Variants in DSCAM observed in about 807,000 individuals in gnomAD.
The protein encoded by DSCAM is cell adhesion molecule DSCAM.
A neutral mutation model predicts 217.7 loss-of-function variants in DSCAM; 47 were observed. The observed-to-expected ratio is 0.22, with a 90% CI of 0.17 to 0.28. DSCAM has a LOEUF of 0.28. DSCAM is among the 10% of genes least tolerant of loss of function. The pLI, the probability that DSCAM is intolerant of heterozygous loss-of-function variation, is 1.00. For synonymous variants in DSCAM, 1,056 were observed against 1,015.3 expected (o/e 1.04, Z -0.76); for missense variants, 2,080 against 2,618.3 (o/e 0.79, Z 4.49).
At chr21:40,434,080 G>A (rs1049315181) in intron 3 of DSCAM, among the ~76,000 whole-genome samples, 1 of 152,188 alleles carries the variant, frequency 6.6e-6, no homozygotes, top group African/African-American at 2.4e-5. Context: ...CCCTCGCATG[G>A]CTGCCTGTCC....
chr21:40,206,398 C>T (rs551702147), intron 11 of DSCAM, among the ~76,000 whole-genome samples: 11 of 152,188 alleles, frequency 7.2e-5, no homozygotes, highest in African/African-American at 2.4e-4. Context: ...CGGGGGTAGG[C>T]CCGACCTGTG....
chr21:40,181,056 G>A (rs907712357), intron 14 of DSCAM, among the ~76,000 whole-genome samples: 1 of 151,972 alleles, frequency 6.6e-6, no homozygotes, highest in Non-Finnish European at 1.5e-5. Flanking sequence ...ATGGGCTGGG[G>A]GACCCGTTAC....
chr21:40,531,693 A>C (rs1300343304), intron 3 of DSCAM, among the ~76,000 whole-genome samples: 1 of 152,246 alleles, frequency 6.6e-6, no homozygotes, highest in Non-Finnish European at 1.5e-5. Context: ...TGGTTGCATC[A>C]CAGGTGGGTG....
chr21:40,126,311 A>T (rs2090093094), intron 19 of DSCAM, among the ~76,000 whole-genome samples: 1 of 152,092 alleles, frequency 6.6e-6, no homozygotes, highest in South Asian at 2.1e-4. Context: ...AAGGGAAGAC[A>T]AAAGGAAAGA....
chr21:40,448,507 A>AC (rs1341643723), intron 3 of DSCAM, among the ~76,000 whole-genome samples: 1 of 152,124 alleles, frequency 6.6e-6, no homozygotes, highest in African/African-American at 2.4e-5. Flanking sequence ...GCTGACTCGC[A>AC]CCACCAGCTT....
At chr21:40,121,229 GAAAAC>G (rs971800005) in intron 20 of DSCAM, among the ~76,000 whole-genome samples, 14 of 152,044 alleles carry the variant, frequency 9.2e-5, no homozygotes, top group African/African-American at 2.7e-4. Context: ...AGAAACTGAT[GAAAAC>G]AAAACAAAAC....
chr21:40,500,299 CTTGTT>C (rs1382301122), intron 3 of DSCAM, among the ~76,000 whole-genome samples: 1 of 152,024 alleles, frequency 6.6e-6, no homozygotes, highest in East Asian at 1.9e-4. Flanking sequence ...GGATTTATGT[CTTGTT>C]TTATGAGTAA....
chr21:40,666,676 C>T (rs750383896), intron 3 of DSCAM, among the ~76,000 whole-genome samples: 4 of 152,212 alleles, frequency 2.6e-5, no homozygotes, highest in African/African-American at 4.8e-5. Flanking sequence ...TATTTAGGCC[C>T]TCAGCACTCA....
intron 11 of DSCAM, among the ~76,000 whole-genome samples, chr21:40,266,645 A>ATATATATATATATATATATT (rs2073534184): frequency 2.6e-5 from 3 of 114,068 alleles, no homozygotes; most frequent in African/African-American, 1.3e-4. Context: ...TTATATATAT[A>ATATATATATATATATATATT]TATATATATA....
chr21:40,643,378 T>C (rs965516892), intron 3 of DSCAM, among the ~76,000 whole-genome samples: 4 of 152,164 alleles, frequency 2.6e-5, no homozygotes, highest in Non-Finnish European at 4.4e-5. Flanking sequence ...CAGAGGGTCA[T>C]GGTGAAATTA....
At chr21:40,636,217 A>G (rs1434614757) in intron 3 of DSCAM, among the ~76,000 whole-genome samples, 1 of 152,130 alleles carries the variant, frequency 6.6e-6, no homozygotes, top group African/African-American at 2.4e-5. Context: ...AGGATTATGC[A>G]TAAGATGCAC....
chr21:40,624,693 T>C (rs1279516564), intron 3 of DSCAM, among the ~76,000 whole-genome samples: 1 of 152,110 alleles, frequency 6.6e-6, no homozygotes, highest in Admixed American at 6.6e-5. Flanking sequence ...AAATTGTGTA[T>C]AGAAGTCAGG....
chr21:40,023,093 A>G (rs867289713), intron 32 of DSCAM, among the ~76,000 whole-genome samples: 3,332 of 142,676 alleles, frequency 0.023, 117 homozygotes, highest in African/African-American at 0.082. Context: ...TCATTGTTCA[A>G]TTCCCACCTA....
intron 9 of DSCAM, among the ~76,000 whole-genome samples, chr21:40,300,723 G>A (rs1412012682): frequency 6.6e-6 from 1 of 152,230 alleles, no homozygotes; most frequent in Non-Finnish European, 1.5e-5. Flanking sequence ...CTCTGTGCCT[G>A]CGCTTCTCAA....
chr21:40,339,086 T>G (rs1367769852), intron 7 of DSCAM, 33 bp downstream of exon 7: 11 of 1,608,118 alleles, frequency 6.8e-6, no homozygotes, highest in East Asian at 2.2e-5. Context: ...ATGAGTTATG[T>G]GTGTTTTTTT....
In DSCAM at chr21:40,602,053, C is replaced by CTTTTTT. The variant is rs761687929; in HGVS notation, c.508+90751_508+90756dup. 3.3e-3 allele frequency among the ~76,000 whole-genome samples: 298 copies of CTTTTTT among 89,414 alleles called. 2 individuals carry two copies. The highest frequency in any genetic ancestry group is 5.9e-3 in the African/African-American group (121 of 20,602). 58.7% of individuals were successfully genotyped at this position (89,414 alleles called of 152,430 possible). The stretch of plus-strand genomic sequence containing the variant: ...TTAGCAAATGTTCCCTCTGCTTCTA[C>CTTTTTT]TTTTTTTTTTTTTTTTTTTTTTTTT... On this transcript the variant is annotated intron_variant, in intron 3 of 32. Coordinates refer to ENST00000400454, the MANE Select transcript of DSCAM (RefSeq NM_001389.5).
intron 1 of DSCAM, among the ~76,000 whole-genome samples, chr21:40,734,339 C>A (rs1455049826): frequency 6.6e-6 from 1 of 152,166 alleles, no homozygotes. Flanking sequence ...TTCCCAAACC[C>A]ATCTCTCAGA....
chr21:40,410,070 T>C (rs1354384722), intron 3 of DSCAM, among the ~76,000 whole-genome samples: 1 of 151,970 alleles, frequency 6.6e-6, no homozygotes, highest in Non-Finnish European at 1.5e-5. Flanking sequence ...ATGATAAAAT[T>C]AACAGGCAAG....
intron 10 of DSCAM, among the ~76,000 whole-genome samples, chr21:40,281,993 AT>A (rs563259068): frequency 7.2e-5 from 11 of 152,094 alleles, no homozygotes; most frequent in Non-Finnish European, 1.5e-4. Flanking sequence ...TGAGATAATC[AT>A]TTTTTTCTCC....
Sources: allele counts gnomAD v4.1 joint callset (sites outside exome capture counted in the v4.1 genomes callset), GRCh38; gene constraint gnomAD v4.1.1; transcripts MANE v1.5; gene names NCBI Gene and HGNC (gene_info 2026-07-23, HGNC 2026-07-21).